RNF17: variants seen among roughly 807,000 people sequenced by gnomAD.
RNF17 encodes the protein spermatogenesis associated 23.
RNF17 carries 31 observed loss-of-function variants against 200.5 expected under a neutral mutation model. The ratio of observed to expected loss-of-function variants is 0.15; its 90% CI spans 0.12 to 0.21. The LOEUF is 0.21. RNF17 is among the 10% of genes least tolerant of loss of function. The probability of loss-of-function intolerance (pLI) is 1.00; values close to 1 mark genes in which losing one functional copy is unlikely to be tolerated. For missense variants in RNF17, 1,628 were observed against 1,905.1 expected (o/e 0.85, Z 2.71); for synonymous variants, 606 against 637.8 (o/e 0.95, Z 0.75).
intron 29 of RNF17, 35 bp downstream of exon 29, chr13:24,865,033 G>A: frequency 1.4e-6 from 2 of 1,470,288 alleles, no homozygotes; most frequent in Non-Finnish European, 9.2e-7. Flanking sequence ...AATCTAAAGT[G>A]TAGAAAAGTC....
intron 15 of RNF17, chr13:24,824,179 T>G: frequency 1.4e-6 from 1 of 711,558 alleles, no homozygotes; most frequent in Admixed American, 2.0e-5. Flanking sequence ...TACTGTAAAC[T>G]TTGGATTGCT....
chr13:24,774,527 A>C (rs1005597748), intron 2 of RNF17, among the ~76,000 whole-genome samples: 1 of 152,242 alleles, frequency 6.6e-6, no homozygotes, highest in Non-Finnish European at 1.5e-5. Flanking sequence ...TTTAAAGTAA[A>C]ATTGAAAGTA....
chr13:24,840,269 G>A (rs957885024), intron 18 of RNF17, among the ~76,000 whole-genome samples: 1 of 152,158 alleles, frequency 6.6e-6, no homozygotes, highest in Non-Finnish European at 1.5e-5. Flanking sequence ...CTTCTACACT[G>A]CTGGCAGGAT....
intron 33 of RNF17, 114 bp from the exon 34 acceptor site, chr13:24,876,882 CA>C: frequency 6.1e-6 from 5 of 815,456 alleles, no homozygotes; most frequent in Non-Finnish European, 7.4e-6. Context: ...GTGTCGTATC[CA>C]AAAAAATCAC....
intron 26 of RNF17, 114 bp from the exon 27 acceptor site, chr13:24,861,154 T>C (rs1893059876): frequency 1.2e-6 from 1 of 808,096 alleles, no homozygotes; most frequent in Non-Finnish European, 1.9e-6. Context: ...GCTGGGATTA[T>C]AGGCATGAGC....
Position 24,842,158 on chromosome 13 carries a change from T to C in RNF17, c.2600T>C (p.Ile867Thr), listed in dbSNP as rs1303059787. 3 of 1,588,572 alleles carry C rather than the reference T, an allele frequency of 1.9e-6. No individual in the cohort carries two copies. In the East Asian group the frequency reaches 6.7e-5, roughly 36 times the overall value. ...AAAGAGGGCCTAGCATCTTATGAAA[T>C]AGGGTAAGTAGATATGTAAACTTTC... is the stretch of plus-strand genomic sequence containing the variant. The part of the protein sequence containing the change: ...LVKEGLASYE[I>T]GYILKDNSQK... Residue 867 changes from isoleucine to threonine, a missense_variant, in exon 19 of 36, where the codon ATA becomes ACA. Ile to Thr is a moderately conservative substitution (Grantham distance 89). This residue lies in a region of RNF17 where 227 missense variants were observed against 319.8 expected (regional missense o/e 0.71). Coordinates refer to ENST00000255324, the MANE Select transcript of RNF17 (RefSeq NM_031277.3).
chr13:24,779,034 C>G (rs1483941648), intron 4 of RNF17, among the ~76,000 whole-genome samples: 2 of 152,038 alleles, frequency 1.3e-5, no homozygotes, highest in African/African-American at 4.8e-5. Context: ...ACTAAAAGTA[C>G]AAAAATTAGC....
intron 15 of RNF17, among the ~76,000 whole-genome samples, chr13:24,819,786 A>G (rs1001325431): frequency 6.6e-6 from 1 of 152,240 alleles, no homozygotes; most frequent in African/African-American, 2.4e-5. Context: ...CAAAATTGCA[A>G]TAATACTGAC....
chr13:24,885,574 T>C, the RNF17 span: 1 of 1,490,158 alleles, frequency 6.7e-7, no homozygotes, highest in South Asian at 1.1e-5. Flanking sequence ...AAGTAATGTA[T>C]GTTTGAAGAA....
At position 24,824,429 on chromosome 13, in the gene RNF17, A is replaced by C. The variant is rs1251735205; in HGVS notation, c.2092-1190A>C. 5 of 376,992 alleles carry C rather than the reference A, an allele frequency of 1.3e-5. No individual in the cohort carries two copies. In the South Asian group the frequency reaches 3.3e-4, roughly 25 times the overall value. The allele number at this position is 376,992 out of a possible 1,614,324, so 23.4% of individuals were successfully genotyped here. A position where few individuals can be genotyped will look rare whatever the true frequency, so the allele number is the denominator to read the frequency against. On this transcript the variant is annotated intron_variant, in intron 15 of 35. Coordinates refer to ENST00000255324, the MANE Select transcript of RNF17 (RefSeq NM_031277.3). ...AAATGAAATAACAAGATAAGGATTC[A>C]GAAAATTTTCACTTGCATCATTATA... is the stretch of plus-strand genomic sequence containing the variant.
chr13:24,886,374 G>A, the RNF17 span: 1 of 1,289,100 alleles, frequency 7.8e-7, no homozygotes, highest in Non-Finnish European at 1.0e-6. Context: ...GTGTGAGGCG[G>A]CTGTGCTGTG....
At chr13:24,885,779 CA>C in the RNF17 span, 1 of 795,796 alleles carries the variant, frequency 1.3e-6, no homozygotes, top group Non-Finnish European at 2.2e-6. Context: ...GTCCTTTATC[CA>C]TTAGTTAAGG....
chr13:24,847,395 G>C (rs1191305436), intron 22 of RNF17, among the ~76,000 whole-genome samples: 1 of 150,486 alleles, frequency 6.6e-6, no homozygotes, highest in Non-Finnish European at 1.5e-5. Flanking sequence ...GCCCAGGCTG[G>C]AGTGCAGTGG....
intron 2 of RNF17, among the ~76,000 whole-genome samples, chr13:24,768,096 T>C (rs1047193087): frequency 6.6e-6 from 1 of 152,044 alleles, no homozygotes; most frequent in African/African-American, 2.4e-5. Context: ...TACAACAAGG[T>C]AGAGAAGCAA....
intron 1 of RNF17, among the ~76,000 whole-genome samples, chr13:24,765,576 T>C (rs1466043372): frequency 1.3e-5 from 2 of 152,228 alleles, no homozygotes; most frequent in Non-Finnish European, 2.9e-5. Flanking sequence ...AGATCACTGC[T>C]ACCGTTACGT....
At chr13:24,841,837 G>A (rs1890670712) in intron 18 of RNF17, among the ~76,000 whole-genome samples, 1 of 152,064 alleles carries the variant, frequency 6.6e-6, no homozygotes, top group Middle Eastern at 3.4e-3. Context: ...TGGCGCGACA[G>A]TGTCTGTAGT....
chr13:24,750,353 T>C, the RNF17 span, among the ~76,000 whole-genome samples: 1 of 152,218 alleles, frequency 6.6e-6, no homozygotes, highest in Admixed American at 6.5e-5. Flanking sequence ...TGTTTTAACA[T>C]ACAGTTCAAA....
chr13:24,831,373 C>T (rs527886239), intron 17 of RNF17, among the ~76,000 whole-genome samples: 2 of 152,096 alleles, frequency 1.3e-5, no homozygotes, highest in Middle Eastern at 3.4e-3. Flanking sequence ...ACCCGGGAGG[C>T]GGAGGTTGCG....
chr13:24,809,843 T>G (rs1886374218), intron 15 of RNF17, among the ~76,000 whole-genome samples: 1 of 152,164 alleles, frequency 6.6e-6, no homozygotes, highest in Non-Finnish European at 1.5e-5. Flanking sequence ...ATGTTGTGTC[T>G]TTGTTCTCGT....
Sources: gnomAD v4.1 joint callset for allele counts (sites outside exome capture counted in the v4.1 genomes callset) on GRCh38, gnomAD v4.1.1 for gene constraint, gnomAD v4.1.1 regional missense constraint, MANE v1.5 for transcripts, NCBI Gene and HGNC (gene_info 2026-07-23, HGNC 2026-07-21) for gene names.